Variants in CEP120 observed in about 807,000 individuals in gnomAD.
CEP120 encodes centrosomal protein of 120 kDa.
Under a neutral mutation model 126.5 loss-of-function variants are expected in CEP120, and 113 were observed. The observed-to-expected ratio is 0.89, with a 90% CI of 0.77 to 1.04. The LOEUF is 1.04. CEP120 is among the 50% of genes least tolerant of loss of function. CEP120 has a pLI of 0.00. For missense variants in CEP120, 1,230 were observed against 1,155.7 expected (o/e 1.06, Z -0.93); for synonymous variants, 400 against 394.3 (o/e 1.01, Z -0.17).
chr5:123,401,458 C>T (rs1773230951), intron 4 of CEP120: 8 of 1,294,982 alleles, frequency 6.2e-6, no homozygotes, highest in Non-Finnish European at 7.8e-6. Context: ...TATCCCCATG[C>T]TTCCCAGCCA....
intron 18 of CEP120, among the ~76,000 whole-genome samples, chr5:123,359,315 A>G (rs1235967157): frequency 6.6e-6 from 1 of 152,040 alleles, no homozygotes; most frequent in East Asian, 1.9e-4. Flanking sequence ...ATCTGACATA[A>G]AAATGTTAAA....
chr5:123,390,599 A>T (rs1360489207), intron 7 of CEP120, among the ~76,000 whole-genome samples: 4 of 152,208 alleles, frequency 2.6e-5, no homozygotes, highest in African/African-American at 9.6e-5. Context: ...CTGCATAAAG[A>T]TCAGCTTTTT....
At chr5:123,417,663 G>A (rs1774469071) in intron 2 of CEP120, among the ~76,000 whole-genome samples, 1 of 151,390 alleles carries the variant, frequency 6.6e-6, no homozygotes, top group Admixed American at 6.6e-5. Flanking sequence ...ATTTAATAAT[G>A]AGTAGGTATC....
chr5:123,406,761 A>G (rs1185253282), intron 4 of CEP120, among the ~76,000 whole-genome samples: 2 of 127,226 alleles, frequency 1.6e-5, no homozygotes, highest in Non-Finnish European at 3.5e-5. Flanking sequence ...GGCATGGGTA[A>G]GAAGCTCAGA....
intron 4 of CEP120, among the ~76,000 whole-genome samples, chr5:123,411,375 C>T (rs138938174): frequency 3.3e-5 from 5 of 152,292 alleles, no homozygotes; most frequent in African/African-American, 1.2e-4. Flanking sequence ...TAAGAACCTG[C>T]ACACAGATGT....
At chr5:123,354,456 T>A (rs936008831) in intron 18 of CEP120, among the ~76,000 whole-genome samples, 1 of 152,126 alleles carries the variant, frequency 6.6e-6, no homozygotes, top group Non-Finnish European at 1.5e-5. Flanking sequence ...TTATTTTCGG[T>A]CTGTTTGCAC....
At chr5:123,380,207 A>G (rs772462442) in intron 14 of CEP120, among the ~76,000 whole-genome samples, 18 of 152,126 alleles carry the variant, frequency 1.2e-4, no homozygotes, top group Non-Finnish European at 2.2e-4. Flanking sequence ...CATACTGAAA[A>G]ACAACTTTTT....
intron 18 of CEP120, among the ~76,000 whole-genome samples, chr5:123,356,738 T>C (rs1769659020): frequency 6.6e-6 from 1 of 151,864 alleles, no homozygotes; most frequent in Admixed American, 6.6e-5. Flanking sequence ...TAATGCAACA[T>C]ACTTTAAACA....
intron 4 of CEP120, among the ~76,000 whole-genome samples, chr5:123,407,522 C>A (rs1181493838): frequency 6.6e-6 from 1 of 152,148 alleles, no homozygotes; most frequent in Non-Finnish European, 1.5e-5. Flanking sequence ...GGAGTCAATT[C>A]TGCAAAAAGA....
Position 123,423,071 on chromosome 5 carries a change from G to A in CEP120, c.-73C>T. ...GTCCAGTTGAGTCGCGGGTAATCCG[G>A]GACCCCCGGCGGGACCCCCACTGCC... On this transcript the variant is annotated 5_prime_UTR_variant, in exon 1 of 20. Coordinates refer to ENST00000306467, the MANE Select transcript of CEP120 (RefSeq NM_001375405.1). The A allele has an allele frequency of 1.5e-6, 2 of 1,365,038 alleles. No homozygotes were observed. The highest frequency in any genetic ancestry group is 1.2e-5 in the South Asian group (1 of 86,258). The allele number at this position is 1,365,038 out of a possible 1,614,324, so 84.6% of individuals were successfully genotyped here.
intron 4 of CEP120, among the ~76,000 whole-genome samples, chr5:123,404,993 TGAA>T (rs1221618641): frequency 6.6e-6 from 1 of 152,192 alleles, no homozygotes; most frequent in Non-Finnish European, 1.5e-5. Context: ...TGTAAAACAT[TGAA>T]GAAGAAATAT....
At position 123,412,460 on chromosome 5, in the gene CEP120, G is replaced by C. The variant is rs143893793; in HGVS notation, c.402C>G (p.Thr134=). The part of the protein sequence containing the change: ...SEIQISIALE[T]DTKPPVDSFK... ...AGCTATCCACTGGTGGCTTTGTATC[G>C]GTTTCCAAAGCAATACTTATCTGTA... Residue 134 remains threonine (T), a synonymous_variant, in exon 4 of 20, where the codon ACC becomes ACG. Transcript: ENST00000306467. 1 of 1,610,818 alleles carries C rather than the reference G, an allele frequency of 6.2e-7. No individual in the cohort carries two copies. Among genetic ancestry groups the C allele is most frequent in the African/African-American group, 1.3e-5 (1 of 74,848 alleles).
chr5:123,367,596 A>C (rs1282682193), intron 17 of CEP120, among the ~76,000 whole-genome samples: 1 of 151,684 alleles, frequency 6.6e-6, no homozygotes, highest in Non-Finnish European at 1.5e-5. Context: ...AAAATCTAAA[A>C]TTGGATGCTG....
intron 4 of CEP120, chr5:123,401,764 C>A (rs1773257763): frequency 2.5e-6 from 3 of 1,223,906 alleles, no homozygotes; most frequent in Non-Finnish European, 2.4e-6. Flanking sequence ...TTGATGAGGA[C>A]AAATTCATTC....
chr5:123,420,305 C>T (rs542665321), intron 1 of CEP120, among the ~76,000 whole-genome samples: 2 of 152,308 alleles, frequency 1.3e-5, no homozygotes, highest in Non-Finnish European at 2.9e-5. Flanking sequence ...CAAACAGATG[C>T]CTGCCTTGCT....
chr5:123,373,294 A>T (rs1027768766), intron 16 of CEP120, among the ~76,000 whole-genome samples: 1 of 152,046 alleles, frequency 6.6e-6, no homozygotes, highest in Non-Finnish European at 1.5e-5. Context: ...ACAGAGAAAG[A>T]GATTACAGGC....
intron 4 of CEP120, among the ~76,000 whole-genome samples, chr5:123,406,348 A>G (rs191594342): frequency 7.3e-4 from 111 of 151,532 alleles, no homozygotes; most frequent in African/African-American, 2.5e-3. Flanking sequence ...CACACACCAA[A>G]CCACAGATTC....
intron 10 of CEP120, among the ~76,000 whole-genome samples, chr5:123,385,665 G>A (rs1423512020): frequency 6.7e-6 from 1 of 149,606 alleles, no homozygotes. Flanking sequence ...CACTCAGGCT[G>A]CTGTGCAATG....
chr5:123,385,790 G>C (rs548047791), intron 10 of CEP120, among the ~76,000 whole-genome samples: 1 of 151,934 alleles, frequency 6.6e-6, no homozygotes, highest in Non-Finnish European at 1.5e-5. Flanking sequence ...TTTTTGTAGA[G>C]ACAGGGTTTC....
Sources: allele counts gnomAD v4.1 joint callset (sites outside exome capture counted in the v4.1 genomes callset), GRCh38; gene constraint gnomAD v4.1.1; transcripts MANE v1.5; gene names NCBI Gene and HGNC (gene_info 2026-07-23, HGNC 2026-07-21).